Variants in HAVCR1 observed in about 807,000 individuals in gnomAD.
HAVCR1 encodes the protein T cell immunoglobin domain and mucin domain protein 1.
HAVCR1 carries 34 observed loss-of-function variants against 32.0 expected under a neutral mutation model. That is an observed-to-expected ratio of 1.06 (90% CI 0.81 to 1.42). The LOEUF is 1.42. HAVCR1 is among the 40% of genes most tolerant of loss of function. The pLI, the probability that HAVCR1 is intolerant of heterozygous loss-of-function variation, is 0.00. For missense variants in HAVCR1, 420 were observed against 442.3 expected, an observed-to-expected ratio of 0.95 and a Z score of 0.45; for synonymous variants, 178 against 170.3, an observed-to-expected ratio of 1.05 and a Z score of -0.35.
At chr5:157,062,991 G>A (rs1431460904), upstream of HAVCR1, among the ~76,000 whole-genome samples, 3 of 151,684 alleles carry the variant, frequency 2.0e-5, no homozygotes, top group African/African-American at 7.3e-5. Flanking sequence ...GTGGTGGCGC[G>A]TGCCTGTAGT....
intron 7 of HAVCR1, among the ~76,000 whole-genome samples, chr5:157,034,146 G>A (rs1754375850): frequency 6.6e-6 from 1 of 152,098 alleles, no homozygotes; most frequent in African/African-American, 2.4e-5. Context: ...GAGGACCCAC[G>A]CCGGCACTTG....
rs762231572 is a variant in HAVCR1 at position 157,044,427 on chromosome 5, GAAA to G, written c.782-1748_782-1746del. Among the ~76,000 whole-genome samples the G allele has an allele frequency of 9.0e-3, 244 of 27,222 alleles. 4 individuals are homozygous for G. The highest frequency in any genetic ancestry group is 0.013 in the Non-Finnish European group (199 of 15,640). The allele number at this position is 27,222 out of a possible 152,430, so 17.9% of individuals were successfully genotyped here. On this transcript the variant is annotated intron_variant, in intron 5 of 8. Coordinates refer to ENST00000523175, the MANE Select transcript of HAVCR1 (RefSeq NM_001173393.3). The stretch of plus-strand genomic sequence containing the variant: ...AAGGAAGGAAGGAAGGAAGGAGAAA[GAAA>G]GAAAGAAAGAAAGAAAGAAAGAAAG...
chr5:157,054,459 T>C (rs1319276607), intron 3 of HAVCR1, among the ~76,000 whole-genome samples: 1 of 151,956 alleles, frequency 6.6e-6, no homozygotes, highest in East Asian at 1.9e-4. Flanking sequence ...GAGCCACGAT[T>C]GTGACATTGC....
chr5:157,033,626 G>T (rs942136183), intron 7 of HAVCR1, among the ~76,000 whole-genome samples: 16 of 152,038 alleles, frequency 1.1e-4, no homozygotes, highest in African/African-American at 3.9e-4. Flanking sequence ...ACAGGAAGGA[G>T]ACTAGAGCTG....
chr5:157,033,869 T>G (rs1479141292), intron 7 of HAVCR1, among the ~76,000 whole-genome samples: 1 of 152,070 alleles, frequency 6.6e-6, no homozygotes, highest in Non-Finnish European at 1.5e-5. Context: ...CTGACCAACA[T>G]GGTGAAAACC....
In HAVCR1 at chr5:157,057,925, T is replaced by C. The variant is rs756741071; in HGVS notation, c.19A>G (p.Ile7Val). 10 of 1,613,770 alleles carry C rather than the reference T, an allele frequency of 6.2e-6. No homozygotes were observed. Among genetic ancestry groups the C allele is most frequent in the South Asian group, 1.1e-5 (1 of 91,072 alleles). MHPQVVILSLILHLADS... is the reference protein window; with the variant it reads MHPQVVVLSLILHLADS... ...GCCAGATGTAGGATGAGGCTTAAGA[T>C]GACCACTTGAGGATGCATTATGGGA... Residue 7 changes from isoleucine to valine, a missense_variant, in exon 2 of 9, where the codon ATC becomes GTC. Physicochemically the swap from Ile to Val is conservative, Grantham distance 29. Transcript: ENST00000523175.
intron 5 of HAVCR1, among the ~76,000 whole-genome samples, chr5:157,047,917 C>A (rs1380618801): frequency 6.6e-6 from 1 of 152,106 alleles, no homozygotes; most frequent in East Asian, 1.9e-4. Context: ...TGGGATATGA[C>A]CCTCTCTCCG....
At position 157,055,196 on chromosome 5, in the gene HAVCR1, C is replaced by A; in HGVS notation, c.379+5G>T. On this transcript the variant is annotated splice_donor_5th_base_variant and intron_variant, in intron 3 of 8. Transcript: ENST00000523175. ...ACTAGCAAGAAATATCAAAGAAAAA[C>A]TTACGTGGCACAATCTCCAATGATA... 7.0e-7 allele frequency: 1 copy of A among 1,437,688 alleles called. No homozygotes were observed. The highest frequency in any genetic ancestry group is 1.4e-5 in the South Asian group (1 of 70,410). 89.1% of individuals were successfully genotyped at this position (1,437,688 alleles called of 1,614,324 possible).
chr5:157,032,457 G>A (rs1754233656), intron 8 of HAVCR1, among the ~76,000 whole-genome samples: 1 of 152,246 alleles, frequency 6.6e-6, no homozygotes, highest in Admixed American at 6.5e-5. Context: ...GGTGGAGGTT[G>A]TGGTGAGCCG....
intron 5 of HAVCR1, among the ~76,000 whole-genome samples, chr5:157,046,382 T>C (rs1047951413): frequency 2.0e-5 from 3 of 152,166 alleles, no homozygotes; most frequent in South Asian, 2.1e-4. Flanking sequence ...CTGGGAAAGA[T>C]GACAGGTTTC....
At chr5:157,039,675 G>A (rs115065564) in intron 6 of HAVCR1, among the ~76,000 whole-genome samples, 116 of 152,284 alleles carry the variant, frequency 7.6e-4, no homozygotes, top group Non-Finnish European at 1.4e-3. Context: ...ACGGCAATAC[G>A]TGCACATGCT....
Position 157,029,633 on chromosome 5 carries a change from CAG to C in HAVCR1, c.*98_*99del, listed in dbSNP as rs749667001. On this transcript the variant is annotated 3_prime_UTR_variant, in exon 9 of 9. Transcript: ENST00000523175. The stretch of plus-strand genomic sequence containing the variant: ...GTTGGAATGCCAGATGAAACTGAAA[CAG>C]AAAAATTGTCTTGGGGTCTAAAAGA... The C allele has an allele frequency of 1.4e-5, 22 of 1,567,396 alleles. No individual in the cohort carries two copies. Among genetic ancestry groups the C allele is most frequent in the Non-Finnish European group, 1.9e-5 (22 of 1,159,032 alleles).
rs551329372 is a variant in HAVCR1, at chr5:157,046,740, TG to T, written c.781+2297del. 2.7e-3 allele frequency among the ~76,000 whole-genome samples: 418 copies of T among 152,242 alleles called. 3 individuals carry two copies. Among genetic ancestry groups the T allele is most frequent in the African/African-American group, 9.3e-3 (387 of 41,554 alleles). ...ATGGTGTCTTCTATTTGTTCTTATA[TG>T]GGGGAAGGGTCAAACAAGTTCCCTT... On this transcript the variant is annotated intron_variant, in intron 5 of 8. Coordinates refer to ENST00000523175, the MANE Select transcript of HAVCR1 (RefSeq NM_001173393.3).
At chr5:157,041,528 G>A (rs6555819) in intron 6 of HAVCR1, among the ~76,000 whole-genome samples, 33,318 of 151,812 alleles carry the variant, frequency 0.22, 3,871 homozygotes, top group Middle Eastern at 0.35. Flanking sequence ...AGAATAAAAA[G>A]TCATCCCATG....
At chr5:157,033,069 T>C (rs1754268670) in intron 7 of HAVCR1, among the ~76,000 whole-genome samples, 182 bp from the exon 8 acceptor site, 2 of 152,304 alleles carry the variant, frequency 1.3e-5, no homozygotes, top group South Asian at 4.1e-4. Context: ...AGCCATTTAC[T>C]GTCCAGTATC....
At chr5:157,066,374 G>C in the HAVCR1 span, among the ~76,000 whole-genome samples, 2 of 152,008 alleles carry the variant, frequency 1.3e-5, no homozygotes, top group African/African-American at 2.4e-5. Context: ...AGTTGGACTT[G>C]AGTGCCTATA....
rs1235087840 is a variant in HAVCR1, at chr5:157,055,477, G to T, written c.103C>A (p.Pro35Thr). ...GGEAGPSVTL[P>T]CHYSGAVTSM... is the part of the protein sequence containing the mutation. ...GTGACAGCTCCACTGTAGTGGCAGG[G>T]TAGTGTGACAGATGGACCTGCCTCT... The change falls in exon 3 of 9, where the codon CCC becomes ACC. Residue 35 changes from proline (P) to threonine (T), a missense_variant. Transcript: ENST00000523175. 1.9e-6 allele frequency: 3 copies of T among 1,607,348 alleles called. No individual in the cohort carries two copies. Among genetic ancestry groups the T allele is most frequent in the Non-Finnish European group, 2.6e-6 (3 of 1,175,256 alleles).
intron 6 of HAVCR1, among the ~76,000 whole-genome samples, chr5:157,039,872 AG>A (rs1214121654): frequency 1.3e-5 from 2 of 152,178 alleles, no homozygotes; most frequent in Non-Finnish European, 2.9e-5. Context: ...GATACCTGGG[AG>A]AAGACATCTT....
rs1561591496 is a variant in HAVCR1, at chr5:157,044,649, G to GAAAGAAAGAA, written c.782-1977_782-1968dup. 1.4e-4 allele frequency among the ~76,000 whole-genome samples: 16 copies of GAAAGAAAGAA among 117,560 alleles called. 1 individual carries two copies. The highest frequency in any genetic ancestry group is 1.3e-3 in the East Asian group (4 of 3,102). 77.1% of individuals were successfully genotyped at this position (117,560 alleles called of 152,430 possible). On this transcript the variant is annotated intron_variant, in intron 5 of 8. Coordinates refer to ENST00000523175, the MANE Select transcript of HAVCR1 (RefSeq NM_001173393.3). ...AGAAAGAAAGAAAGAAAGAAAGAAA[G>GAAAGAAAGAA]AAAGAAAGAAAGAAAGAAAGAAAGA...
Sources: gnomAD v4.1 joint callset for allele counts (sites outside exome capture counted in the v4.1 genomes callset) on GRCh38, gnomAD v4.1.1 for gene constraint, MANE v1.5 for transcripts, NCBI Gene and HGNC (gene_info 2026-07-23, HGNC 2026-07-21) for gene names.